PALB2: variants seen among roughly 807,000 people sequenced by gnomAD.
PALB2 encodes partner and localizer of BRCA2.
In PALB2, 82 loss-of-function variants were observed where a neutral mutation model predicts 107.4. The ratio of observed to expected loss-of-function variants is 0.76; its 90% CI spans 0.64 to 0.92. The LOEUF is 0.92. Ranked by LOEUF, PALB2 falls within the 40% of genes least tolerant of loss-of-function variation. PALB2 has a pLI of 0.00. For synonymous variants in PALB2, 489 were observed against 496.8 expected (o/e 0.98, Z 0.21); for missense variants, 1,374 against 1,379.9 (o/e 1.00, Z 0.07).
At chr16:23,637,700 C>CT in intron 3 of PALB2, 150 bp downstream of exon 3, 3 of 671,976 alleles carry the variant, frequency 4.5e-6, no homozygotes, top group Non-Finnish European at 7.6e-6. Context: ...GAGTGAGACT[C>CT]TGTCTCAAAA....
chr16:23,638,476 A>G (rs1473991855), intron 1 of PALB2: 1 of 464,670 alleles, frequency 2.2e-6, no homozygotes, highest in African/African-American at 2.0e-5. Flanking sequence ...TTCTCACACT[A>G]TGTTCTCTGT....
rs1966409995 is a variant in PALB2 at position 23,603,747 on chromosome 16, T to C, written c.3351-78A>G. 5 of 1,365,248 alleles carry C rather than the reference T, an allele frequency of 3.7e-6. No individual in the cohort carries two copies. In the South Asian group the frequency reaches 3.9e-5, roughly 11 times the overall value. 84.6% of individuals were successfully genotyped at this position (1,365,248 alleles called of 1,614,324 possible). A position where few individuals can be genotyped will look rare whatever the true frequency, so the allele number is the denominator to read the frequency against. ...AAAAAAAAAAAAAAGGTCAAAACCATGTTCCCAAAACCAGCAACAGGAACA... is the reference window on the plus strand; with the variant it reads ...AAAAAAAAAAAAAAGGTCAAAACCACGTTCCCAAAACCAGCAACAGGAACA... On this transcript the variant is annotated intron_variant, in intron 12 of 12. Transcript: ENST00000261584.
At position 23,641,222 on chromosome 16, in the gene PALB2, A is replaced by G. The variant is rs1967241542; in HGVS notation, c.-65T>C. 6.3e-7 allele frequency: 1 copy of G among 1,585,912 alleles called. No individual in the cohort carries two copies. The highest frequency in any genetic ancestry group is 8.6e-7 in the Non-Finnish European group (1 of 1,165,178). On this transcript the variant is annotated 5_prime_UTR_variant, in exon 1 of 13. Coordinates refer to ENST00000261584, the MANE Select transcript of PALB2 (RefSeq NM_024675.4). ...CCCAGGCCTGCCGACACCGGGACCC[A>G]GTTGGCCCTGGGCCGGGGAGGCGCC...
Position 23,630,330 on chromosome 16 carries a change from A to C in PALB2, c.1824T>G (p.Ser608Arg), listed in dbSNP as rs374771688. 1 of 1,614,232 alleles carries C rather than the reference A, an allele frequency of 6.2e-7. No homozygotes were observed. The highest frequency in any genetic ancestry group is 8.5e-7 in the Non-Finnish European group (1 of 1,180,036). ...LSLKQLLSFL[S>R]ITDFQLPDED... is the part of the protein sequence containing the mutation. ...CATCAGGTAACTGAAAGTCTGTGAT[A>C]CTGAGAAAAGACAGTAGTTGCTTTA... Residue 608 changes from serine to arginine, a missense_variant, in exon 5 of 13, where the codon AGT becomes AGG. By Grantham distance (110) the Ser-to-Arg change is moderately radical (BLOSUM62 -1). Coordinates refer to ENST00000261584, the MANE Select transcript of PALB2 (RefSeq NM_024675.4).
At chr16:23,613,427 T>G (rs1966622756) in intron 11 of PALB2, among the ~76,000 whole-genome samples, 1 of 152,240 alleles carries the variant, frequency 6.6e-6, no homozygotes, top group African/African-American at 2.4e-5. Flanking sequence ...GTGGATCACC[T>G]GAGGTCAGGA....
rs1393240122 is a variant in PALB2 at position 23,638,315 on chromosome 16, T to C, written c.49-186A>G. 6.2e-6 allele frequency: 4 copies of C among 643,350 alleles called. No homozygotes were observed. The East Asian group carries it at 1.1e-4, about 18-fold the overall frequency. 39.9% of individuals were successfully genotyped at this position (643,350 alleles called of 1,614,324 possible). A position where few individuals can be genotyped will look rare whatever the true frequency, so the allele number is the denominator to read the frequency against. ...TCAGGATCTTTGCATAACCTGTTCC[T>C]ATCATCTGGAACATGTCCTTCCTTT... On this transcript the variant is annotated intron_variant, in intron 1 of 12. Coordinates refer to ENST00000261584, the MANE Select transcript of PALB2 (RefSeq NM_024675.4).
In PALB2 at chr16:23,610,558, C is replaced by T. The variant is rs188927198; in HGVS notation, c.3202-2546G>A. ...TCCTGACCTCGTGATCTGCCCGCCTCGGCCTCACAAAGTGCTGGGATTACA... is the reference window on the plus strand; with the variant it reads ...TCCTGACCTCGTGATCTGCCCGCCTTGGCCTCACAAAGTGCTGGGATTACA... On this transcript the variant is annotated intron_variant, in intron 11 of 12. Transcript: ENST00000261584. Among the ~76,000 whole-genome samples, 1,362 of 151,404 alleles carry T rather than the reference C, an allele frequency of 9.0e-3. 22 individuals carry two copies. The highest frequency in any genetic ancestry group is 0.028 in the African/African-American group (1,155 of 41,288).
chr16:23,605,316 A>G (rs1034505198), intron 12 of PALB2, among the ~76,000 whole-genome samples: 1 of 152,104 alleles, frequency 6.6e-6, no homozygotes, highest in South Asian at 2.1e-4. Flanking sequence ...TGTGCTCTCA[A>G]ACAGTGCAAG....
rs148335539 is a variant in PALB2, at chr16:23,630,007, T to C, written c.2147A>G (p.Asn716Ser). ...TPLNTVAPDD[N>S]DRPTTDMCSP... ...ACACATGTCTGTGGTAGGCCTGTCA[T>C]TATCATCAGGCGCAACCGTATTTAA... The change falls in exon 5 of 13, where the codon AAT becomes AGT. Residue 716 changes from asparagine to serine, a missense_variant. Physicochemically the swap from Asn to Ser is conservative, Grantham distance 46. Transcript: ENST00000261584. 3.7e-6 allele frequency: 6 copies of C among 1,614,028 alleles called. No individual in the cohort carries two copies. The highest frequency in any genetic ancestry group is 5.1e-6 in the Non-Finnish European group (6 of 1,180,012).
At chr16:23,614,852 G>A (rs141936747) in intron 10 of PALB2, among the ~76,000 whole-genome samples, 5,040 of 150,738 alleles carry the variant, frequency 0.033, 199 homozygotes, top group African/African-American at 0.1. Context: ...GGGTTTCACC[G>A]TTTTAGCCGG....
chr16:23,622,886 T>C, intron 9 of PALB2, 83 bp downstream of exon 9: 1 of 1,521,668 alleles, frequency 6.6e-7, no homozygotes. Context: ...AAAAACGAGA[T>C]CCTAGTTACC....
At chr16:23,632,176 C>G (rs903108300) in intron 4 of PALB2, among the ~76,000 whole-genome samples, 1 of 152,228 alleles carries the variant, frequency 6.6e-6, no homozygotes, top group Non-Finnish European at 1.5e-5. Context: ...GGCTCAGTGG[C>G]TCACACCTAT....
chr16:23,623,747 G>A (rs1364662007), intron 8 of PALB2, among the ~76,000 whole-genome samples: 1 of 151,334 alleles, frequency 6.6e-6, no homozygotes, highest in Non-Finnish European at 1.5e-5. Flanking sequence ...TCAAACTCCT[G>A]ACCTCAGTTG....
At chr16:23,610,246 A>C (rs542784995) in intron 11 of PALB2, among the ~76,000 whole-genome samples, 3 of 152,194 alleles carry the variant, frequency 2.0e-5, no homozygotes, top group African/African-American at 7.2e-5. Flanking sequence ...CCGTCTGGTC[A>C]TATATGGAAA....
At position 23,635,206 on chromosome 16, in the gene PALB2, G is replaced by T. The variant is rs1555461334; in HGVS notation, c.1340C>A (p.Ala447Glu). ...KKGFKNKNKDASKNLNLSNEE... is the reference protein window; with the variant it reads ...KKGFKNKNKDESKNLNLSNEE... The stretch of plus-strand genomic sequence containing the variant: ...ATTGGAAAGGTTTAAATTTTTACTT[G>T]CATCCTTATTTTTATTTTTAAACCC... The change falls in exon 4 of 13, where the codon GCA becomes GAA. Residue 447 changes from alanine (A) to glutamate (E), a missense_variant. Physicochemically the swap from Ala to Glu is moderately radical, Grantham distance 107 (BLOSUM62 -1). Coordinates refer to ENST00000261584, the MANE Select transcript of PALB2 (RefSeq NM_024675.4). 2 of 1,614,090 alleles carry T rather than the reference G, an allele frequency of 1.2e-6. No homozygotes were observed. The highest frequency in any genetic ancestry group is 1.7e-6 in the Non-Finnish European group (2 of 1,180,000).
chr16:23,604,200 A>G (rs1006581267), intron 12 of PALB2, among the ~76,000 whole-genome samples: 1 of 152,186 alleles, frequency 6.6e-6, no homozygotes, highest in Admixed American at 6.5e-5. Context: ...ATTCAGTGGG[A>G]ATTTCCCCCA....
intron 12 of PALB2, among the ~76,000 whole-genome samples, chr16:23,605,055 CAG>C (rs1267375506): frequency 6.6e-6 from 1 of 151,998 alleles, no homozygotes; most frequent in Non-Finnish European, 1.5e-5. Context: ...GCCTGGGCAA[CAG>C]AGAGAAACTC....
rs180177119 is a variant in PALB2, at chr16:23,626,435, G to C, written c.2587-38C>G. On this transcript the variant is annotated intron_variant, in intron 6 of 12. Transcript: ENST00000261584. ...CAACAGTTCTGTTAAAGTGGCACTC[G>C]AGTGCTGTTTTATGCAAAGCATAAG... 1.2e-3 allele frequency: 1,965 copies of C among 1,612,100 alleles called. 10 individuals carry two copies. Among genetic ancestry groups the C allele is most frequent in the Middle Eastern group, 7.3e-3 (44 of 6,062 alleles).
intron 6 of PALB2, among the ~76,000 whole-genome samples, chr16:23,628,901 T>C (rs1240735759): frequency 6.6e-6 from 1 of 152,186 alleles, no homozygotes; most frequent in African/African-American, 2.4e-5. Flanking sequence ...CCCAAAGTGC[T>C]GAGATTATAG....
Sources: gnomAD v4.1 joint callset for allele counts (sites outside exome capture counted in the v4.1 genomes callset) on GRCh38, gnomAD v4.1.1 for gene constraint, MANE v1.5 for transcripts, NCBI Gene and HGNC (gene_info 2026-07-23, HGNC 2026-07-21) for gene names.